CRLF2: variants seen among roughly 807,000 people sequenced by gnomAD.
CRLF2 encodes the protein cytokine receptor like factor 2, also known as cytokine receptor-like factor 2.
CRLF2 carries 41 observed loss-of-function variants against 38.7 expected under a neutral mutation model. The observed-to-expected ratio is 1.06, with a 90% CI of 0.83 to 1.37. The LOEUF (loss-of-function observed/expected upper bound fraction) is 1.37, where lower values mean the gene tolerates loss of function less well. Ranked by LOEUF, CRLF2 falls within the 40% of genes most tolerant of loss-of-function variation. The probability of loss-of-function intolerance (pLI) is 0.00; values close to 1 mark genes in which losing one functional copy is unlikely to be tolerated. For synonymous variants in CRLF2, 140 were observed against 128.8 expected, an observed-to-expected ratio of 1.09 and a Z score of -0.59; for missense variants, 377 against 322.2, an observed-to-expected ratio of 1.17 and a Z score of -1.30.
chrX:1,206,645 T>A (rs369817290), intron 2 of CRLF2, 46 bp from the exon 3 acceptor site: 1 of 1,587,426 alleles, frequency 6.3e-7, no homozygotes, highest in Admixed American at 1.7e-5. Context: ...CAAAAAAGCA[T>A]GTCTTATTTA....
chrX:1,195,992 ATT>A (rs1212652662), intron 6 of CRLF2, among the ~76,000 whole-genome samples: 12,178 of 141,124 alleles, frequency 0.086, 661 homozygotes, highest in South Asian at 0.12. Flanking sequence ...ATTTTTATAT[ATT>A]TATATATATA....
intron 3 of CRLF2, among the ~76,000 whole-genome samples, chrX:1,203,651 C>T (rs9785448): frequency 0.44 from 65,280 of 147,780 alleles, 15,821 homozygotes; most frequent in East Asian, 0.58. Flanking sequence ...AGCCCAGGGA[C>T]ACCTGGAGCC....
At chrX:1,195,149 C>T (rs1421933665) in intron 6 of CRLF2, among the ~76,000 whole-genome samples, 9 of 149,198 alleles carry the variant, frequency 6.0e-5, no homozygotes, top group African/African-American at 1.7e-4. Context: ...GCCGAGATCA[C>T]GCCACTGCAC....
At chrX:1,192,667 TTC>T (rs2086406012) in intron 7 of CRLF2, among the ~76,000 whole-genome samples, 1 of 151,674 alleles carries the variant, frequency 6.6e-6, no homozygotes, top group Admixed American at 6.6e-5. Context: ...CTTTCCTTTT[TTC>T]TTTCTCTTTC....
At chrX:1,192,732 CT>C (rs2086412272) in intron 7 of CRLF2, among the ~76,000 whole-genome samples, 1 of 96,208 alleles carries the variant, frequency 1.0e-5, no homozygotes, top group African/African-American at 3.8e-5. Context: ...TTCTTTCTTT[CT>C]TTCTTTCTTT....
At chrX:1,194,798 G>A (rs1201263835) in intron 6 of CRLF2, among the ~76,000 whole-genome samples, 6 of 152,078 alleles carry the variant, frequency 3.9e-5, no homozygotes, top group African/African-American at 7.2e-5. Flanking sequence ...TTGGGAGGCC[G>A]AGGAGGACGG....
intron 1 of CRLF2, among the ~76,000 whole-genome samples, chrX:1,209,231 T>G: frequency 6.6e-6 from 1 of 151,676 alleles, no homozygotes; most frequent in Non-Finnish European, 1.5e-5. Flanking sequence ...CCTCCCAAAG[T>G]ACTGGGATTA....
intron 3 of CRLF2, among the ~76,000 whole-genome samples, chrX:1,205,615 C>T (rs1291704054): frequency 7.9e-5 from 12 of 151,744 alleles, no homozygotes; most frequent in Non-Finnish European, 1.6e-4. Flanking sequence ...ATCATGGATC[C>T]GGTTATTTGC....
chrX:1,193,325 G>C (rs1178994778), intron 6 of CRLF2, 23 bp from the exon 7 acceptor site: 1 of 398,546 alleles, frequency 2.5e-6, no homozygotes, highest in African/African-American at 2.1e-5. Context: ...CGGAGAGCGT[G>C]GTCAGGTCGG....
chrX:1,200,542 ATGTGTGGG>A (rs2086584816), intron 4 of CRLF2, among the ~76,000 whole-genome samples: 1 of 149,124 alleles, frequency 6.7e-6, no homozygotes, highest in African/African-American at 2.5e-5. Context: ...CTGTGTATAT[ATGTGTGGG>A]TATATATATG....
chrX:1,201,377 G>T (rs1273196705), intron 4 of CRLF2, among the ~76,000 whole-genome samples: 3 of 150,816 alleles, frequency 2.0e-5, no homozygotes, highest in Non-Finnish European at 4.4e-5. Flanking sequence ...GGTGTGTAGA[G>T]ATACAGGTAG....
chrX:1,205,218 G>A (rs2086671459), intron 3 of CRLF2, among the ~76,000 whole-genome samples: 1 of 152,090 alleles, frequency 6.6e-6, no homozygotes. Context: ...GCGTGTAAGA[G>A]GGAACTTCCT....
chrX:1,190,808 C>T lies in CRLF2; in HGVS notation c.*89G>A, dbSNP rs1475434626. 1 of 398,548 alleles carries T rather than the reference C, an allele frequency of 2.5e-6. No individual in the cohort carries two copies. The highest frequency in any genetic ancestry group is 4.4e-6 in the Non-Finnish European group (1 of 226,094). The allele number at this position is 398,548 out of a possible 1,614,324, so 24.7% of individuals were successfully genotyped here. ...CATCATTGGCGTGGAGACTTCCCATCCATGGTGGTGTGGAGTCCCCGGGAC... is the reference window on the plus strand; with the variant it reads ...CATCATTGGCGTGGAGACTTCCCATTCATGGTGGTGTGGAGTCCCCGGGAC... On this transcript the variant is annotated 3_prime_UTR_variant, in exon 8 of 8. Coordinates refer to ENST00000400841, the MANE Select transcript of CRLF2 (RefSeq NM_022148.4).
intron 5 of CRLF2, 123 bp downstream of exon 5, chrX:1,198,439 G>T: frequency 3.4e-6 from 2 of 596,018 alleles, no homozygotes; most frequent in Non-Finnish European, 3.0e-6. Flanking sequence ...CAGGAAGGCA[G>T]GACACCCTCC....
chrX:1,202,281 G>A, intron 4 of CRLF2, 121 bp downstream of exon 4: 2 of 1,156,186 alleles, frequency 1.7e-6, no homozygotes, highest in East Asian at 2.5e-5. Context: ...AGATACAGCA[G>A]AGTGGAATTC....
intron 7 of CRLF2, 60 bp from the exon 8 acceptor site, chrX:1,191,220 C>G: frequency 2.5e-6 from 1 of 398,744 alleles, no homozygotes; most frequent in East Asian, 3.6e-5. Context: ...GCGTCCTGAG[C>G]ATCCGTACAG....
Position 1,206,575 on chromosome X carries a change from G to A in CRLF2, c.207C>T (p.Asp69=), listed in dbSNP as rs772872419. The change falls in exon 3 of 8, where the codon GAC becomes GAT. Residue 69 remains aspartate (D), a synonymous_variant. Transcript: ENST00000400841. ...HYRFNGDEAY[D]QCTNYLLQEG... is the part of the protein sequence containing the mutation. ...CCTGGAGAAGGTAGTTGGTGCACTG[G>A]TCATAGGCCTCATCACCGTTGAATC... is the stretch of plus-strand genomic sequence containing the variant. The A allele has an allele frequency of 6.2e-7, 1 of 1,613,588 alleles. No individual in the cohort carries two copies. The highest frequency in any genetic ancestry group is 1.7e-5 in the Admixed American group (1 of 59,988).
At chrX:1,193,899 T>A (rs1464546580) in intron 6 of CRLF2, among the ~76,000 whole-genome samples, 3 of 151,572 alleles carry the variant, frequency 2.0e-5, no homozygotes, top group Admixed American at 6.6e-5. Context: ...AGGCAGAGGT[T>A]GCAGTGAGCT....
chrX:1,210,033 G>A (rs1254634003), intron 1 of CRLF2, among the ~76,000 whole-genome samples: 10 of 150,514 alleles, frequency 6.6e-5, no homozygotes, highest in African/African-American at 2.5e-4. Flanking sequence ...GAACTCAGGA[G>A]GCAGAGGTTG....
Sources: allele counts gnomAD v4.1 joint callset (sites outside exome capture counted in the v4.1 genomes callset), GRCh38; gene constraint gnomAD v4.1.1; transcripts MANE v1.5; gene names NCBI Gene and HGNC (gene_info 2026-07-23, HGNC 2026-07-21).